ANKRD30A: variants seen among roughly 807,000 people sequenced by gnomAD.
ANKRD30A encodes ankyrin repeat domain-containing protein 30A.
In ANKRD30A, 170 loss-of-function variants were observed where a neutral mutation model predicts 166.3. That is an observed-to-expected ratio of 1.02 (90% CI 0.90 to 1.16). The LOEUF (loss-of-function observed/expected upper bound fraction) is 1.16, where lower values mean the gene tolerates loss of function less well. Among genes scored for constraint, ANKRD30A ranks in the 50% most tolerant of loss-of-function variants. The pLI is 0.00. For missense variants in ANKRD30A, 1,630 were observed against 1,518.0 expected (o/e 1.07, Z -1.23); for synonymous variants, 564 against 508.9 (o/e 1.11, Z -1.46).
intron 8 of ANKRD30A, among the ~76,000 whole-genome samples, chr10:37,145,320 A>C (rs1021425750): frequency 6.6e-6 from 1 of 152,130 alleles, no homozygotes; most frequent in African/African-American, 2.4e-5. Context: ...TGTACTAAAA[A>C]TACAAAATTA....
At chr10:37,264,113 C>A in the ANKRD30A span, among the ~76,000 whole-genome samples, 1 of 152,020 alleles carries the variant, frequency 6.6e-6, no homozygotes, top group African/African-American at 2.4e-5. Context: ...TTGAACAGAA[C>A]AATTGAAGTC....
chr10:37,228,879 T>C (rs1243226945), intron 34 of ANKRD30A, among the ~76,000 whole-genome samples: 2 of 152,036 alleles, frequency 1.3e-5, no homozygotes, highest in African/African-American at 4.8e-5. Flanking sequence ...TTTTATTGTT[T>C]CCTAACAATT....
the ANKRD30A span, among the ~76,000 whole-genome samples, chr10:37,253,344 G>A: frequency 1.3e-5 from 2 of 152,126 alleles, no homozygotes; most frequent in African/African-American, 2.4e-5. Flanking sequence ...GCTTTATTGA[G>A]ATACAACATA....
the ANKRD30A span, among the ~76,000 whole-genome samples, chr10:37,262,089 A>C: frequency 6.6e-6 from 1 of 152,216 alleles, no homozygotes; most frequent in Admixed American, 6.6e-5. Context: ...TGAAGTGCTT[A>C]CATTATTGTT....
the ANKRD30A span, among the ~76,000 whole-genome samples, chr10:37,245,555 T>C: frequency 3.3e-5 from 5 of 152,092 alleles, no homozygotes; most frequent in African/African-American, 1.2e-4. Flanking sequence ...TTTCATAATA[T>C]ATATCTTTTA....
chr10:37,265,659 G>T, the ANKRD30A span, among the ~76,000 whole-genome samples: 1 of 152,242 alleles, frequency 6.6e-6, no homozygotes, highest in Non-Finnish European at 1.5e-5. Flanking sequence ...TTTGCAAGGG[G>T]TGTGCACTGA....
At position 37,183,806 on chromosome 10, in the gene ANKRD30A, A is replaced by G. The variant is rs1840206577; in HGVS notation, c.2422-5661A>G. ...TAAAGTATACCTAATATAATTGTCA[A>G]CCACATTACTTTAGAAAACATAAAC... On this transcript the variant is annotated intron_variant, in intron 24 of 35. Transcript: ENST00000361713. Among the ~76,000 whole-genome samples the G allele has an allele frequency of 2.7e-5, 4 of 148,284 alleles. No individual in the cohort carries two copies. In the South Asian group the frequency reaches 8.8e-4, roughly 32 times the overall value.
chr10:37,216,421 A>G, intron 32 of ANKRD30A, 27 bp downstream of exon 32: 1 of 1,553,232 alleles, frequency 6.4e-7, no homozygotes, highest in Non-Finnish European at 8.7e-7. Context: ...TTAAATAAAT[A>G]TTTCAGCTAT....
rs1373446163 is a variant in ANKRD30A at position 37,201,296 on chromosome 10, A to T, written c.2840A>T (p.Glu947Val). ...GTACCCAAGGCTACACATCAAAAAG[A>T]AATGGATAAAATAAGTGGAAAATTA... The part of the protein sequence containing the change: ...VCVPKATHQK[E>V]MDKISGKLED... The change falls in exon 31 of 36, where the codon GAA (glutamate) becomes GTA (valine). Residue 947 changes from glutamate to valine, a missense_variant. By Grantham distance (121) the Glu-to-Val change is moderately radical (BLOSUM62 -2). Coordinates refer to ENST00000361713, the MANE Select transcript of ANKRD30A (RefSeq NM_052997.3). 1 of 1,593,636 alleles carries T rather than the reference A, an allele frequency of 6.3e-7. No homozygotes were observed. Among genetic ancestry groups the T allele is most frequent in the East Asian group, 2.3e-5 (1 of 43,932 alleles).
intron 12 of ANKRD30A, among the ~76,000 whole-genome samples, chr10:37,152,989 G>A (rs17590258): frequency 2.4e-4 from 36 of 152,038 alleles, no homozygotes; most frequent in African/African-American, 7.0e-4. Flanking sequence ...TTCTATTCAA[G>A]CACTTTTTCT....
chr10:37,158,447 A>C lies in ANKRD30A; in HGVS notation c.1827+27A>C, dbSNP rs376865408. On this transcript the variant is annotated intron_variant, in intron 14 of 35. Coordinates refer to ENST00000361713, the MANE Select transcript of ANKRD30A (RefSeq NM_052997.3). ...TAATAACTTTTATATTTTTGTCTTG[A>C]GTATCAACTACATATTTTATGAAGT... The C allele has an allele frequency of 8.7e-6, 14 of 1,612,418 alleles. No individual in the cohort carries two copies. In the African/African-American group the frequency reaches 1.7e-4, roughly 20 times the overall value.
At chr10:37,196,295 T>A (rs1323632179) in intron 27 of ANKRD30A, among the ~76,000 whole-genome samples, 3 of 152,030 alleles carry the variant, frequency 2.0e-5, no homozygotes, top group Non-Finnish European at 4.4e-5. Context: ...CCTACTAGAA[T>A]TGGGGGAACC....
chr10:37,161,456 TTTTA>T (rs1253904022), intron 15 of ANKRD30A, among the ~76,000 whole-genome samples: 1 of 152,198 alleles, frequency 6.6e-6, no homozygotes, highest in African/African-American at 2.4e-5. Flanking sequence ...TATTTTCTGT[TTTTA>T]TTTTTTATTT....
chr10:37,159,842 C>G (rs1198118981), intron 15 of ANKRD30A, among the ~76,000 whole-genome samples: 3 of 152,190 alleles, frequency 2.0e-5, no homozygotes, highest in South Asian at 4.1e-4. Flanking sequence ...CTCCAGGCGC[C>G]TGCCACCATG....
At chr10:37,171,901 G>A (rs1464062542) in intron 21 of ANKRD30A, among the ~76,000 whole-genome samples, 2 of 144,024 alleles carry the variant, frequency 1.4e-5, no homozygotes, top group African/African-American at 2.6e-5. Flanking sequence ...AATTCTCCAC[G>A]GCTTCACATG....
chr10:37,151,020 A>C (rs1837893640), intron 11 of ANKRD30A, among the ~76,000 whole-genome samples: 1 of 127,766 alleles, frequency 7.8e-6, no homozygotes. Flanking sequence ...GTGTGATTTG[A>C]GTTTCTTGTA....
rs1023301070 is a variant in ANKRD30A, at chr10:37,196,400, A to G, written c.2615-881A>G. Among the ~76,000 whole-genome samples, 9 of 152,152 alleles carry G rather than the reference A, an allele frequency of 5.9e-5. 1 individual carries two copies. The East Asian group carries it at 9.6e-4, about 16-fold the overall frequency. On this transcript the variant is annotated intron_variant, in intron 27 of 35. Coordinates refer to ENST00000361713, the MANE Select transcript of ANKRD30A (RefSeq NM_052997.3). The stretch of plus-strand genomic sequence containing the variant: ...ATTGAAATGAGATATATTGGAAACT[A>G]AGAACATTGGGTTTATGTTTAAGGA...
At chr10:37,128,062 A>G (rs1206189559) in intron 1 of ANKRD30A, among the ~76,000 whole-genome samples, 1 of 152,098 alleles carries the variant, frequency 6.6e-6, no homozygotes, top group Non-Finnish European at 1.5e-5. Flanking sequence ...CAAGGTAGAA[A>G]TATATACAGA....
chr10:37,223,894 G>A (rs919737730), intron 34 of ANKRD30A, among the ~76,000 whole-genome samples: 1 of 150,580 alleles, frequency 6.6e-6, no homozygotes. Flanking sequence ...TTTGGATCAA[G>A]AAATAAAGAA....
Sources: allele counts gnomAD v4.1 joint callset (sites outside exome capture counted in the v4.1 genomes callset), GRCh38; gene constraint gnomAD v4.1.1; transcripts MANE v1.5; gene names NCBI Gene and HGNC (gene_info 2026-07-23, HGNC 2026-07-21).